Variants in TOX2 observed in about 807,000 individuals in gnomAD.
TOX2 encodes the protein TOX high mobility group box family member 2.
TOX2 carries 15 observed loss-of-function variants against 47.4 expected under a neutral mutation model. That is an observed-to-expected ratio of 0.32 (90% CI 0.21 to 0.49). The LOEUF is 0.49. TOX2 is among the 20% of genes least tolerant of loss of function. TOX2 has a pLI of 0.99. For missense variants in TOX2, 622 were observed against 673.1 expected (o/e 0.92, Z 0.84); for synonymous variants, 290 against 296.6 (o/e 0.98, Z 0.23).
chr20:44,048,175 A>T (rs6130508), intron 3 of TOX2, among the ~76,000 whole-genome samples: 11 of 151,576 alleles, frequency 7.3e-5, no homozygotes, highest in African/African-American at 2.7e-4. Flanking sequence ...TGGTGAGCCG[A>T]GATAGCATCA....
chr20:44,003,532 T>A (rs151253762), intron 2 of TOX2, among the ~76,000 whole-genome samples: 1 of 152,108 alleles, frequency 6.6e-6, no homozygotes, highest in Non-Finnish European at 1.5e-5. Flanking sequence ...GACTGAGGCA[T>A]TGGGGATATA....
intron 1 of TOX2, among the ~76,000 whole-genome samples, chr20:43,934,141 G>C (rs1460158388): frequency 6.7e-6 from 1 of 148,934 alleles, no homozygotes; most frequent in Non-Finnish European, 1.5e-5. Flanking sequence ...GGTAAGGAGA[G>C]AGAGAGAGAG....
At chr20:43,983,887 G>A (rs892908664) in intron 2 of TOX2, among the ~76,000 whole-genome samples, 2 of 152,130 alleles carry the variant, frequency 1.3e-5, no homozygotes, top group Admixed American at 1.3e-4. Flanking sequence ...GAGGCTCTTC[G>A]AAACAAATAA....
chr20:43,948,103 T>C (rs1015865550), intron 1 of TOX2, among the ~76,000 whole-genome samples: 1 of 152,156 alleles, frequency 6.6e-6, no homozygotes, highest in African/African-American at 2.4e-5. Flanking sequence ...GTAAAGCACA[T>C]TGTTGGTGCT....
At chr20:43,977,800 G>A (rs2070108037) in intron 2 of TOX2, among the ~76,000 whole-genome samples, 1 of 152,156 alleles carries the variant, frequency 6.6e-6, no homozygotes, top group African/African-American at 2.4e-5. Context: ...AGAGGACCTG[G>A]TAGAGGTCAG....
rs1323457678 is a variant in TOX2, at chr20:43,927,677, CTT to C, written c.99+12688_99+12689del. On this transcript the variant is annotated intron_variant, in intron 1 of 8. Transcript: ENST00000341197. ...TCCCTTCCCCTTCCTTCCTTCCTTT[CTT>C]CCTTCCTTCCCTTCCCCTTCCTTCC... is the stretch of plus-strand genomic sequence containing the variant. Among the ~76,000 whole-genome samples the C allele has an allele frequency of 2.8e-5, 3 of 107,268 alleles. 1 individual carries two copies. The highest frequency in any genetic ancestry group is 1.5e-4 in the African/African-American group (3 of 19,562). 70.4% of individuals were successfully genotyped at this position (107,268 alleles called of 152,430 possible). A position where few individuals can be genotyped will look rare whatever the true frequency, so the allele number is the denominator to read the frequency against.
intron 2 of TOX2, among the ~76,000 whole-genome samples, chr20:43,988,843 G>A (rs111289482): frequency 1.3e-5 from 2 of 152,210 alleles, no homozygotes; most frequent in African/African-American, 4.8e-5. Context: ...TCAGAACTTA[G>A]GAGGGTGGAT....
At chr20:44,051,775 G>T (rs562219377) in intron 4 of TOX2, among the ~76,000 whole-genome samples, 1 of 152,346 alleles carries the variant, frequency 6.6e-6, no homozygotes, top group Admixed American at 6.5e-5. Context: ...TGGAAGCCAA[G>T]GAAAAAGCAC....
chr20:43,934,136 GGAGAGAGA>G (rs56662660), intron 1 of TOX2, among the ~76,000 whole-genome samples: 6 of 122,168 alleles, frequency 4.9e-5, no homozygotes, highest in Middle Eastern at 4.1e-3. Context: ...CCCAAGGTAA[GGAGAGAGA>G]GAGAGAGAGA....
chr20:43,932,778 C>CG lies in TOX2; in HGVS notation c.99+17788_99+17789insG, dbSNP rs1569008789. 4.9e-4 allele frequency among the ~76,000 whole-genome samples: 69 copies of CG among 139,654 alleles called. 1 individual carries two copies. In the East Asian group the frequency reaches 0.017, roughly 34 times the overall value. 91.6% of individuals were successfully genotyped at this position (139,654 alleles called of 152,430 possible). On this transcript the variant is annotated intron_variant, in intron 1 of 8. Transcript: ENST00000341197. ...AGGGGTTGGAGAGGGGTTGCTGCCC[C>CG]CCCCCGCCATTTCTGACTGAGGGCA... is the stretch of plus-strand genomic sequence containing the variant.
intron 3 of TOX2, among the ~76,000 whole-genome samples, chr20:44,013,309 C>T (rs79508963): frequency 0.012 from 1,812 of 152,170 alleles, 35 homozygotes; most frequent in African/African-American, 0.041. Flanking sequence ...TGAACTATTC[C>T]CCTCCAATCT....
At chr20:44,017,434 C>G (rs1049739647) in intron 3 of TOX2, among the ~76,000 whole-genome samples, 1 of 152,142 alleles carries the variant, frequency 6.6e-6, no homozygotes. Context: ...TCGGCTTCAC[C>G]ACCTCTGTGC....
rs539953536 is a variant in TOX2 at position 43,936,619 on chromosome 20, C to T, written c.99+21629C>T. On this transcript the variant is annotated intron_variant, in intron 1 of 8. Transcript: ENST00000341197. ...GGCTGGCTGGTTGTTGGCTCAGCTCCCCACATGACCTCCTGTCCTCCAGCA... is the reference window on the plus strand; with the variant it reads ...GGCTGGCTGGTTGTTGGCTCAGCTCTCCACATGACCTCCTGTCCTCCAGCA... Among the ~76,000 whole-genome samples the T allele has an allele frequency of 5.3e-5, 8 of 152,210 alleles. No homozygotes were observed. In the East Asian group the frequency reaches 1.4e-3, roughly 26 times the overall value.
intron 7 of TOX2, 94 bp from the exon 8 acceptor site, chr20:44,066,636 C>A (rs2071827339): frequency 6.3e-7 from 1 of 1,594,376 alleles, no homozygotes; most frequent in African/African-American, 1.3e-5. Context: ...GGTGTGGACA[C>A]CCTTGGACAC....
chr20:44,015,245 A>G (rs1309238667), intron 3 of TOX2, among the ~76,000 whole-genome samples: 1 of 152,228 alleles, frequency 6.6e-6, no homozygotes, highest in Non-Finnish European at 1.5e-5. Context: ...TTTCAGAGGC[A>G]TTAAGCAAAA....
chr20:43,949,852 C>T (rs951284595), intron 1 of TOX2, among the ~76,000 whole-genome samples: 3 of 152,160 alleles, frequency 2.0e-5, no homozygotes, highest in East Asian at 1.9e-4. Flanking sequence ...ACATCACCCA[C>T]GATGATGCAC....
At position 43,973,441 on chromosome 20, in the gene TOX2, C is replaced by G; in HGVS notation, c.165+9C>G. The G allele has an allele frequency of 6.2e-7, 1 of 1,613,992 alleles. No individual in the cohort carries two copies. Among genetic ancestry groups the G allele is most frequent in the Non-Finnish European group, 8.5e-7 (1 of 1,179,918 alleles). On this transcript the variant is annotated intron_variant, in intron 2 of 8. Transcript: ENST00000341197. ...TCCTGTCAACCAGCCAGGTGGGTGC[C>G]TCATCCTCCCTGAACGGGTGTCTTA...
chr20:44,029,536 G>A (rs1265172656), intron 3 of TOX2, among the ~76,000 whole-genome samples: 2 of 152,166 alleles, frequency 1.3e-5, no homozygotes, highest in African/African-American at 4.8e-5. Flanking sequence ...GGAAACAGCA[G>A]CAGCGACCTC....
In TOX2 at chr20:44,014,294, C is replaced by T. The variant is rs141591630; in HGVS notation, c.411+7502C>T. 4.4e-3 allele frequency among the ~76,000 whole-genome samples: 669 copies of T among 152,246 alleles called. 2 individuals are homozygous for T. The highest frequency in any genetic ancestry group is 0.02 in the Middle Eastern group (6 of 294). On this transcript the variant is annotated intron_variant, in intron 3 of 8. Coordinates refer to ENST00000341197, the MANE Select transcript of TOX2 (RefSeq NM_001098797.2). ...TGCACGCATCCTATTTGCCCTAGCC[C>T]ATTGGCCAAAGCCTGTCATGTGGCA...
Sources: gnomAD v4.1 joint callset for allele counts (sites outside exome capture counted in the v4.1 genomes callset) on GRCh38, gnomAD v4.1.1 for gene constraint, MANE v1.5 for transcripts, NCBI Gene and HGNC (gene_info 2026-07-23, HGNC 2026-07-21) for gene names.